AFF4: variants seen among roughly 807,000 people sequenced by gnomAD.
AFF4 encodes ALF transcription elongation factor 4, also known as AF4/FMR2 family member 4.
A neutral mutation model predicts 124.8 loss-of-function variants in AFF4; 13 were observed. The observed-to-expected ratio is 0.10, with a 90% CI of 0.07 to 0.17. The LOEUF (loss-of-function observed/expected upper bound fraction) is 0.17, where lower values mean the gene tolerates loss of function less well. Ranked by LOEUF, AFF4 falls within the 10% of genes least tolerant of loss-of-function variation. The pLI is 1.00. For missense variants in AFF4, 1,092 were observed against 1,403.8 expected, an observed-to-expected ratio of 0.78 and a Z score of 3.55; for synonymous variants, 477 against 496.1, an observed-to-expected ratio of 0.96 and a Z score of 0.51.
At chr5:132,914,836 A>T (rs1340172202) in intron 5 of AFF4, among the ~76,000 whole-genome samples, 1 of 152,200 alleles carries the variant, frequency 6.6e-6, no homozygotes, top group Admixed American at 6.5e-5. Context: ...AGAATATTAT[A>T]AAAAACTTAC....
At chr5:132,961,213 T>A (rs1762074402) in intron 1 of AFF4, among the ~76,000 whole-genome samples, 1 of 149,786 alleles carries the variant, frequency 6.7e-6, no homozygotes, top group East Asian at 2.0e-4. Context: ...GATCTCGGCT[T>A]ACTGCAACCT....
chr5:132,924,325 T>A (rs534731067), intron 5 of AFF4, among the ~76,000 whole-genome samples: 14 of 152,210 alleles, frequency 9.2e-5, no homozygotes, highest in African/African-American at 3.1e-4. Context: ...AACTAAATAC[T>A]GAGCAAAAGA....
rs771464549 is a variant in AFF4 at position 132,897,259 on chromosome 5, T to C, written c.1390-19A>G. 3 of 1,601,834 alleles carry C rather than the reference T, an allele frequency of 1.9e-6. No individual in the cohort carries two copies. The highest frequency in any genetic ancestry group is 2.2e-5 in the East Asian group (1 of 44,726). ...GTTCAGGCTGAAAAACAGAGAAATA[T>C]GTATGCTTTTTTCGATACTGAATGC... On this transcript the variant is annotated intron_variant, in intron 10 of 20. Transcript: ENST00000265343.
chr5:132,904,481 A>G, intron 5 of AFF4, 77 bp from the exon 6 acceptor site: 1 of 1,226,862 alleles, frequency 8.2e-7, no homozygotes, highest in Non-Finnish European at 1.2e-6. Context: ...AAATTACATA[A>G]AAACACTTCA....
intron 1 of AFF4, among the ~76,000 whole-genome samples, chr5:132,948,247 C>G (rs1761747631): frequency 6.6e-6 from 1 of 152,106 alleles, no homozygotes; most frequent in Non-Finnish European, 1.5e-5. Context: ...GACAGGGTTT[C>G]ACCATGTTGG....
chr5:132,890,414 G>A (rs61541414), intron 13 of AFF4, among the ~76,000 whole-genome samples: 21,042 of 151,936 alleles, frequency 0.14, 1,839 homozygotes, highest in Middle Eastern at 0.23. Context: ...ATTACAGGCC[G>A]TGAGCCACCA....
intron 4 of AFF4, chr5:132,927,503 G>A (rs1410644653): frequency 3.5e-6 from 1 of 288,220 alleles, no homozygotes; most frequent in Non-Finnish European, 6.4e-6. Flanking sequence ...ACGCTAATCA[G>A]GAAGAGCTTG....
chr5:132,944,293 T>TTGCAGTGAGCCGAGACCGC (rs1253464203), intron 1 of AFF4, among the ~76,000 whole-genome samples: 1 of 151,158 alleles, frequency 6.6e-6, no homozygotes. Flanking sequence ...GCCGAGATCG[T>TTGCAGTGAGCCGAGACCGC]GCCGCTGCAC....
chr5:132,935,639 C>T (rs1417059040), intron 2 of AFF4, among the ~76,000 whole-genome samples: 7 of 151,626 alleles, frequency 4.6e-5, no homozygotes, highest in Admixed American at 1.3e-4. Context: ...GGCGTGGTGG[C>T]GGGTGTCTGT....
At chr5:132,907,838 GA>G (rs1399219231) in intron 5 of AFF4, among the ~76,000 whole-genome samples, 1 of 152,074 alleles carries the variant, frequency 6.6e-6, no homozygotes, top group African/African-American at 2.4e-5. Context: ...CCACAGAGAG[GA>G]AAAAGTAAAG....
At chr5:132,895,639 A>T (rs17516937) in intron 11 of AFF4, among the ~76,000 whole-genome samples, 2,807 of 152,354 alleles carry the variant, frequency 0.018, 55 homozygotes, top group Non-Finnish European at 0.026. Flanking sequence ...AGAGCTGAAA[A>T]GATCAGGCTG....
intron 4 of AFF4, 127 bp downstream of exon 4, chr5:132,932,051 A>G (rs572049336): frequency 9.1e-5 from 50 of 546,814 alleles, no homozygotes; most frequent in Middle Eastern, 4.9e-4. Flanking sequence ...GATGGACATA[A>G]TCAAGTTACA....
In AFF4 at chr5:132,886,223, A is replaced by T. The variant is rs577852893; in HGVS notation, c.3099+87T>A. 1,234 of 1,170,588 alleles carry T rather than the reference A, an allele frequency of 1.1e-3. 1 individual carries two copies. The highest frequency in any genetic ancestry group is 3.4e-3 in the Middle Eastern group (16 of 4,718). 72.5% of individuals were successfully genotyped at this position (1,170,588 alleles called of 1,614,324 possible). A position where few individuals can be genotyped will look rare whatever the true frequency, so the allele number is the denominator to read the frequency against. On this transcript the variant is annotated intron_variant, in intron 18 of 20. Coordinates refer to ENST00000265343, the MANE Select transcript of AFF4 (RefSeq NM_014423.4). ...TAGCTCCTCCCCTGGTGTGTTTTGC[A>T]TAAACATGAGGGCAGTTCTCAGATG...
intron 17 of AFF4, 69 bp from the exon 18 acceptor site, chr5:132,886,472 T>C (rs1760121870): frequency 1.4e-6 from 2 of 1,429,998 alleles, no homozygotes; most frequent in Non-Finnish European, 2.0e-6. Context: ...ACAGACAGCC[T>C]TTGCATTGTG....
intron 8 of AFF4, 70 bp downstream of exon 8, chr5:132,899,517 A>G (rs908044641): frequency 3.7e-6 from 5 of 1,335,060 alleles, no homozygotes; most frequent in Non-Finnish European, 3.1e-6. Flanking sequence ...GCATTATTCA[A>G]TTATCATTTT....
At position 132,880,073 on chromosome 5, in the gene AFF4, A is replaced by G. The variant is rs1256510077; in HGVS notation, c.*986T>C. On this transcript the variant is annotated 3_prime_UTR_variant, in exon 21 of 21. Coordinates refer to ENST00000265343, the MANE Select transcript of AFF4 (RefSeq NM_014423.4). ...AGTATGAGGGGGAAAAATCTGAAAA[A>G]TAACTCTAACTATCAAAGATAATCA... The G allele has an allele frequency of 2.5e-5, 10 of 396,466 alleles. No homozygotes were observed. Among genetic ancestry groups the G allele is most frequent in the Non-Finnish European group, 4.4e-5 (10 of 225,226 alleles). The allele number at this position is 396,466 out of a possible 1,614,324, so 24.6% of individuals were successfully genotyped here.
intron 1 of AFF4, among the ~76,000 whole-genome samples, chr5:132,938,310 G>A (rs999096990): frequency 4.6e-5 from 7 of 150,546 alleles, no homozygotes; most frequent in East Asian, 2.0e-4. Flanking sequence ...CTATCATCCA[G>A]GCTGGAGTGC....
chr5:132,942,006 CAAAAA>C (rs781367169), intron 1 of AFF4, among the ~76,000 whole-genome samples: 1 of 100,752 alleles, frequency 9.9e-6, no homozygotes. Flanking sequence ...GACTCCATCT[CAAAAA>C]AAAAAAAAAA....
intron 5 of AFF4, among the ~76,000 whole-genome samples, chr5:132,924,560 C>T (rs747267210): frequency 2.6e-5 from 4 of 151,930 alleles, no homozygotes; most frequent in African/African-American, 4.8e-5. Flanking sequence ...TCTATCAAAA[C>T]TCAAACTGCA....
Sources: allele counts gnomAD v4.1 joint callset (sites outside exome capture counted in the v4.1 genomes callset), GRCh38; gene constraint gnomAD v4.1.1; transcripts MANE v1.5; gene names NCBI Gene and HGNC (gene_info 2026-07-23, HGNC 2026-07-21).